The following PRKAR1B variants were observed in gnomAD, a reference collection of about 807,000 sequenced individuals.
PRKAR1B encodes the protein protein kinase cAMP-dependent type I regulatory subunit beta.
PRKAR1B carries 22 observed loss-of-function variants against 46.5 expected under a neutral mutation model. That is an observed-to-expected ratio of 0.47 (90% CI 0.34 to 0.68). PRKAR1B has a LOEUF of 0.68. Among genes scored for constraint, PRKAR1B ranks in the 30% least tolerant of loss-of-function variants. The probability of loss-of-function intolerance (pLI) is 0.01; values close to 1 mark genes in which losing one functional copy is unlikely to be tolerated. For synonymous variants in PRKAR1B, 259 were observed against 217.7 expected (o/e 1.19, Z -1.67); for missense variants, 445 against 535.6 (o/e 0.83, Z 1.67).
At chr7:702,755 G>A (rs1458614725) in intron 2 of PRKAR1B, among the ~76,000 whole-genome samples, 4 of 152,114 alleles carry the variant, frequency 2.6e-5, no homozygotes, top group Non-Finnish European at 4.4e-5. Context: ...CCCAGGAGGC[G>A]GAGCTCGCAG....
At chr7:634,551 G>A (rs150775175) in intron 4 of PRKAR1B, among the ~76,000 whole-genome samples, 140 of 152,222 alleles carry the variant, frequency 9.2e-4, no homozygotes, top group African/African-American at 2.9e-3. Context: ...CGTGCAGGGT[G>A]AGCGCTGTGC....
chr7:630,719 T>C (rs760022231), intron 4 of PRKAR1B, among the ~76,000 whole-genome samples: 7 of 152,088 alleles, frequency 4.6e-5, no homozygotes, highest in Non-Finnish European at 1.0e-4. Context: ...TCACCAAAGC[T>C]GGAGGCTCCC....
At chr7:678,949 A>G (rs1225535209) in intron 3 of PRKAR1B, among the ~76,000 whole-genome samples, 1 of 152,150 alleles carries the variant, frequency 6.6e-6, no homozygotes, top group Non-Finnish European at 1.5e-5. Context: ...TTAGCCAGGC[A>G]TGATGACAGG....
upstream of PRKAR1B, among the ~76,000 whole-genome samples, chr7:728,193 C>T (rs1360549363): frequency 1.3e-5 from 2 of 152,132 alleles, no homozygotes; most frequent in Non-Finnish European, 2.9e-5. Context: ...TTGCCCTTTC[C>T]CTCCCCTGGC....
At chr7:709,560 C>T (rs569779882) in intron 2 of PRKAR1B, among the ~76,000 whole-genome samples, 3 of 152,066 alleles carry the variant, frequency 2.0e-5, no homozygotes, top group South Asian at 2.1e-4. Context: ...TTAGTAGAGA[C>T]GCGGTTTCAC....
intron 9 of PRKAR1B, among the ~76,000 whole-genome samples, chr7:564,463 C>G (rs189726669): frequency 1.7e-4 from 26 of 152,310 alleles, no homozygotes; most frequent in Non-Finnish European, 3.2e-4. Flanking sequence ...TCCAGGCAAG[C>G]CTGTGGCTCG....
chr7:700,317 A>G (rs776349822), intron 2 of PRKAR1B, among the ~76,000 whole-genome samples: 1 of 152,236 alleles, frequency 6.6e-6, no homozygotes, highest in Non-Finnish European at 1.5e-5. Flanking sequence ...CAAGGATGAG[A>G]GAGAACTTGC....
intron 8 of PRKAR1B, among the ~76,000 whole-genome samples, chr7:581,011 G>A (rs984305898): frequency 1.3e-5 from 2 of 152,106 alleles, no homozygotes; most frequent in Non-Finnish European, 2.9e-5. Flanking sequence ...CCTAAAAACA[G>A]GGTCCGTACC....
At chr7:711,727 AC>A (rs5881881) in intron 1 of PRKAR1B, among the ~76,000 whole-genome samples, 200 bp from the exon 2 acceptor site, 29,390 of 151,604 alleles carry the variant, frequency 0.19, 3,165 homozygotes, top group East Asian at 0.29. Context: ...CTCCCCACAG[AC>A]CCCCGGCAGG....
At chr7:628,782 C>A (rs1389634428) in intron 4 of PRKAR1B, among the ~76,000 whole-genome samples, 1 of 152,092 alleles carries the variant, frequency 6.6e-6, no homozygotes, top group Non-Finnish European at 1.5e-5. Context: ...CATCTCCCTC[C>A]CTCGCCTTTT....
chr7:597,437 C>A (rs1403471254), intron 6 of PRKAR1B, among the ~76,000 whole-genome samples: 1 of 152,174 alleles, frequency 6.6e-6, no homozygotes. Context: ...ATGTGGGGAT[C>A]ATCTCCACCT....
At chr7:582,611 G>T (rs1050446510) in intron 8 of PRKAR1B, among the ~76,000 whole-genome samples, 8 of 152,252 alleles carry the variant, frequency 5.3e-5, no homozygotes, top group Admixed American at 4.6e-4. Flanking sequence ...AAGAGCCCGG[G>T]ACGCAGGAAG....
intron 4 of PRKAR1B, among the ~76,000 whole-genome samples, chr7:651,021 C>T (rs1784877992): frequency 6.6e-6 from 1 of 152,184 alleles, no homozygotes; most frequent in East Asian, 1.9e-4. Flanking sequence ...AGAGGCTAGT[C>T]CAAGCCATTC....
rs1013262705 is a variant in PRKAR1B, at chr7:718,737, T to G, written c.-22-7210A>C. Among the ~76,000 whole-genome samples, 3 of 152,106 alleles carry G rather than the reference T, an allele frequency of 2.0e-5. No homozygotes were observed. The East Asian group carries it at 5.8e-4, about 29-fold the overall frequency. ...ACTTCCCACTTTTCTTCTGCCTTCC[T>G]GGGACATCTATTCAACAGATATTAG... On this transcript the variant is annotated intron_variant, in intron 1 of 10. Transcript: ENST00000537384.
chr7:693,141 G>A (rs1013340391), intron 2 of PRKAR1B, among the ~76,000 whole-genome samples: 1 of 151,710 alleles, frequency 6.6e-6, no homozygotes, highest in Non-Finnish European at 1.5e-5. Context: ...CCCCATGTTG[G>A]CCAAGCTGGT....
At position 680,652 on chromosome 7, in the gene PRKAR1B, G is replaced by A. The variant is rs776128488; in HGVS notation, c.252C>T (p.Pro84=). The stretch of plus-strand genomic sequence containing the variant: ...CCTTCACCACAGGGTTCGGGGGGGT[G>A]GGCGACACCTCCTCATCATGGGAGT... ...QSDSHDEEVS[P]TPPNPVVKAR... Residue 84 remains proline, a synonymous_variant, in exon 3 of 11, where the codon CCC becomes CCT. Coordinates refer to ENST00000537384, the MANE Select transcript of PRKAR1B (RefSeq NM_001164760.2). The A allele has an allele frequency of 6.2e-7, 1 of 1,613,474 alleles. No homozygotes were observed. Among genetic ancestry groups the A allele is most frequent in the Non-Finnish European group, 8.5e-7 (1 of 1,179,854 alleles).
At position 644,544 on chromosome 7, in the gene PRKAR1B, A is replaced by G. The variant is rs1053876033; in HGVS notation, c.440+32685T>C. On this transcript the variant is annotated intron_variant, in intron 4 of 10. Transcript: ENST00000537384. This position sits in a 1 kb window ranked among gnomAD's most constrained non-coding sequence, Gnocchi z 4.9. ...GGCCCACCCTCCACTCCCCGCTGCC[A>G]GGGAGCCCTCCCAGCACTGAGGGGG... Among the ~76,000 whole-genome samples the G allele has an allele frequency of 6.6e-5, 10 of 152,122 alleles. No homozygotes were observed. The highest frequency in any genetic ancestry group is 2.2e-4 in the African/African-American group (9 of 41,454).
intron 4 of PRKAR1B, among the ~76,000 whole-genome samples, chr7:609,483 G>A (rs530278383): frequency 7.9e-5 from 12 of 152,230 alleles, no homozygotes; most frequent in Middle Eastern, 3.4e-3. Context: ...AGCCTCCTCC[G>A]GGCCCAGGTG....
chr7:605,346 G>A (rs563735649), intron 6 of PRKAR1B, among the ~76,000 whole-genome samples: 52 of 152,332 alleles, frequency 3.4e-4, no homozygotes, highest in Admixed American at 9.8e-4. Context: ...TCAGGCTGCC[G>A]TGCGGGGGGC....
Sources: gnomAD v4.1 joint callset for allele counts (sites outside exome capture counted in the v4.1 genomes callset) on GRCh38, gnomAD v4.1.1 for gene constraint, Gnocchi (gnomAD v3.1) non-coding constraint, MANE v1.5 for transcripts, NCBI Gene and HGNC (gene_info 2026-07-23, HGNC 2026-07-21) for gene names.